The following DCDC1 variants were observed in gnomAD, a reference collection of about 807,000 sequenced individuals.
DCDC1 encodes the protein doublecortin domain-containing protein 1.
In DCDC1, 200 loss-of-function variants were observed where a neutral mutation model predicts 178.3. That is an observed-to-expected ratio of 1.12 (90% CI 1.00 to 1.26). DCDC1 has a LOEUF of 1.26. DCDC1 is among the 50% of genes most tolerant of loss of function. The probability of loss-of-function intolerance (pLI) is 0.00; values close to 1 mark genes in which losing one functional copy is unlikely to be tolerated. For synonymous variants in DCDC1, 690 were observed against 604.8 expected (o/e 1.14, Z -2.07); for missense variants, 1,983 against 1,749.2 (o/e 1.13, Z -2.38).
chr11:31,338,684 G>C (rs1320857972), intron 1 of DCDC1, among the ~76,000 whole-genome samples: 12 of 152,144 alleles, frequency 7.9e-5, no homozygotes, highest in Non-Finnish European at 1.8e-4. Context: ...ACCAAAGAAG[G>C]GGGTATGGGG....
At chr11:31,274,982 A>G (rs562580478) in intron 7 of DCDC1, among the ~76,000 whole-genome samples, 1 of 152,150 alleles carries the variant, frequency 6.6e-6, no homozygotes, top group Admixed American at 6.5e-5. Flanking sequence ...TACAGGTGTG[A>G]GCCACCACAC....
At chr11:31,183,407 GCACA>G (rs1252698073) in intron 9 of DCDC1, among the ~76,000 whole-genome samples, 1 of 152,162 alleles carries the variant, frequency 6.6e-6, no homozygotes, top group Non-Finnish European at 1.5e-5. Flanking sequence ...TCAGACCACA[GCACA>G]ATCAAATTAG....
At chr11:31,244,719 A>G (rs147134572) in intron 8 of DCDC1, among the ~76,000 whole-genome samples, 17 of 151,970 alleles carry the variant, frequency 1.1e-4, no homozygotes, top group African/African-American at 3.6e-4. Context: ...TTTAGCAATT[A>G]TGCAGACATC....
intron 21 of DCDC1, among the ~76,000 whole-genome samples, chr11:30,941,869 ATAAG>A (rs1947669502): frequency 6.6e-6 from 1 of 152,222 alleles, no homozygotes; most frequent in Admixed American, 6.6e-5. Context: ...AGCAGTATAA[ATAAG>A]TGTTTAAAAA....
chr11:31,246,699 C>A (rs898451052), intron 8 of DCDC1, among the ~76,000 whole-genome samples: 1 of 152,022 alleles, frequency 6.6e-6, no homozygotes, highest in Non-Finnish European at 1.5e-5. Flanking sequence ...AAAGCATGGT[C>A]TGCAGGGAAG....
intron 33 of DCDC1, among the ~76,000 whole-genome samples, chr11:30,899,903 C>A (rs1246902011): frequency 6.6e-6 from 1 of 152,154 alleles, no homozygotes; most frequent in Non-Finnish European, 1.5e-5. Flanking sequence ...TCATTTTCCA[C>A]TTCCACAAAC....
intron 21 of DCDC1, among the ~76,000 whole-genome samples, chr11:30,951,015 A>T (rs1284991764): frequency 6.6e-6 from 1 of 152,098 alleles, no homozygotes; most frequent in Non-Finnish European, 1.5e-5. Flanking sequence ...TAATAATTAT[A>T]AATAAATTTT....
intron 9 of DCDC1, among the ~76,000 whole-genome samples, chr11:31,234,956 T>C (rs951633765): frequency 1.3e-5 from 2 of 152,188 alleles, no homozygotes; most frequent in Non-Finnish European, 2.9e-5. Flanking sequence ...CTGTAGGTGG[T>C]TGAGTAATTT....
chr11:31,077,334 G>A (rs1271314719), intron 18 of DCDC1, among the ~76,000 whole-genome samples: 3 of 152,130 alleles, frequency 2.0e-5, no homozygotes, highest in African/African-American at 7.2e-5. Context: ...CTGCCATATA[G>A]TATTCCAATG....
intron 8 of DCDC1, among the ~76,000 whole-genome samples, chr11:31,249,690 A>C (rs1260958064): frequency 2.4e-4 from 36 of 152,304 alleles, no homozygotes; most frequent in Non-Finnish European, 4.4e-5. Context: ...TTAAGGACTG[A>C]TTAATTATTG....
At chr11:31,358,907 T>C (rs1210323883) in intron 1 of DCDC1, among the ~76,000 whole-genome samples, 3 of 152,144 alleles carry the variant, frequency 2.0e-5, no homozygotes, top group African/African-American at 7.2e-5. Flanking sequence ...CCAGTTAGAA[T>C]GGCAATCATT....
intron 9 of DCDC1, among the ~76,000 whole-genome samples, chr11:31,148,210 T>TAAAAAAAAAAAA (rs55829692): frequency 1.0e-5 from 1 of 95,672 alleles, no homozygotes; most frequent in African/African-American, 3.9e-5. Context: ...TTTATTATTA[T>TAAAAAAAAAAAA]AAAAAAAAAA....
At chr11:31,100,113 A>T (rs1251206683) in intron 15 of DCDC1, among the ~76,000 whole-genome samples, 1 of 152,174 alleles carries the variant, frequency 6.6e-6, no homozygotes, top group Non-Finnish European at 1.5e-5. Flanking sequence ...GGTGACAAAG[A>T]AAGGTGGAAT....
At chr11:31,091,535 G>T in intron 16 of DCDC1, 24 bp from the exon 17 acceptor site, 1 of 722,600 alleles carries the variant, frequency 1.4e-6, no homozygotes, top group Non-Finnish European at 2.5e-6. Context: ...GAGAGGGGGA[G>T]AAAGGTCTAA....
At chr11:31,141,233 G>A (rs1464822546) in intron 9 of DCDC1, among the ~76,000 whole-genome samples, 1 of 152,058 alleles carries the variant, frequency 6.6e-6, no homozygotes, top group South Asian at 2.1e-4. Context: ...TCTTTTATAG[G>A]AGAAAAATAC....
At chr11:31,138,507 G>T (rs954505282) in intron 9 of DCDC1, among the ~76,000 whole-genome samples, 12 of 152,122 alleles carry the variant, frequency 7.9e-5, no homozygotes, top group Admixed American at 5.9e-4. Flanking sequence ...AATAATATTT[G>T]CTCAACAGAC....
chr11:30,922,269 G>C (rs1467863169), intron 24 of DCDC1, among the ~76,000 whole-genome samples: 2 of 152,148 alleles, frequency 1.3e-5, no homozygotes, highest in East Asian at 1.9e-4. Context: ...CACAAAGAAG[G>C]TCAGATCTGT....
Position 30,905,183 on chromosome 11 carries a change from A to G in DCDC1, c.4105-19T>C, listed in dbSNP as rs1944973453. 1 of 1,552,468 alleles carries G rather than the reference A, an allele frequency of 6.4e-7. No homozygotes were observed. The highest frequency in any genetic ancestry group is 8.7e-7 in the Non-Finnish European group (1 of 1,146,514). ...AATCAACCTAATTTTTTAAAAAATA[A>G]ATTGTACATTTACTCAAACTTTCTT... On this transcript the variant is annotated intron_variant, in intron 30 of 38. Transcript: ENST00000684477.
rs1365412482 is a variant in DCDC1, at chr11:30,925,319, C to A, written c.2987G>T (p.Arg996Ile). 6.2e-7 allele frequency: 1 copy of A among 1,613,538 alleles called. No individual in the cohort carries two copies. The highest frequency in any genetic ancestry group is 8.5e-7 in the Non-Finnish European group (1 of 1,179,576). The part of the protein sequence containing the change: ...KEIFALKDLQ[R>I]DELVYVSCGE... ...AATCCATGTCTTTACCAGTTCATCT[C>A]TTTGCAGGTCTTTTAAGGCAAATAT... Residue 996 changes from arginine (R) to isoleucine (I), a missense_variant, in exon 23 of 39, where the codon AGA becomes ATA. Physicochemically the swap from Arg to Ile is moderately conservative, Grantham distance 97 (BLOSUM62 -3). Coordinates refer to ENST00000684477, the MANE Select transcript of DCDC1 (RefSeq NM_001387274.1).
Sources: gnomAD v4.1 joint callset for allele counts (sites outside exome capture counted in the v4.1 genomes callset) on GRCh38, gnomAD v4.1.1 for gene constraint, MANE v1.5 for transcripts, NCBI Gene and HGNC (gene_info 2026-07-23, HGNC 2026-07-21) for gene names.